CAPN14: variants seen among roughly 807,000 people sequenced by gnomAD.
CAPN14 encodes calpain 14.
In CAPN14, 94 loss-of-function variants were observed where a neutral mutation model predicts 101.3. The observed-to-expected ratio is 0.93, with a 90% CI of 0.79 to 1.10. CAPN14 has a LOEUF of 1.10. Ranked by LOEUF, CAPN14 falls within the 50% of genes least tolerant of loss-of-function variation. The probability of loss-of-function intolerance (pLI) is 0.00; values close to 1 mark genes in which losing one functional copy is unlikely to be tolerated. For missense variants in CAPN14, 837 were observed against 828.4 expected (o/e 1.01, Z -0.13); for synonymous variants, 338 against 317.9 (o/e 1.06, Z -0.67).
At chr2:31,201,743 G>C in intron 5 of CAPN14, 119 bp downstream of exon 5, 2 of 1,301,428 alleles carry the variant, frequency 1.5e-6, no homozygotes, top group African/African-American at 1.5e-5. Context: ...TTCTATGTTG[G>C]CTAAGACATG....
At chr2:31,198,838 T>A (rs1173578388) in intron 7 of CAPN14, among the ~76,000 whole-genome samples, 1 of 152,164 alleles carries the variant, frequency 6.6e-6, no homozygotes. Context: ...TGCAAATCTA[T>A]CCATTACAAG....
chr2:31,177,630 G>T, intron 19 of CAPN14, 116 bp downstream of exon 19: 1 of 738,802 alleles, frequency 1.4e-6, no homozygotes, highest in South Asian at 1.6e-5. Flanking sequence ...CTACGTCTTT[G>T]AGAGTAACAC....
intron 13 of CAPN14, among the ~76,000 whole-genome samples, chr2:31,188,726 AAAT>A (rs1558617329): frequency 6.6e-6 from 1 of 152,236 alleles, no homozygotes; most frequent in African/African-American, 2.4e-5. Context: ...ATCATAGGCA[AAAT>A]AATATGTTTG....
chr2:31,189,136 A>T, intron 13 of CAPN14, 137 bp downstream of exon 13: 1 of 737,994 alleles, frequency 1.4e-6, no homozygotes, highest in Non-Finnish European at 2.3e-6. Context: ...GCAGAAAGTC[A>T]CCTGGTCTCC....
At chr2:31,181,102 C>A in intron 16 of CAPN14, 102 bp from the exon 17 acceptor site, 1 of 862,158 alleles carries the variant, frequency 1.2e-6, no homozygotes, top group Non-Finnish European at 1.9e-6. Flanking sequence ...CTGATGACCA[C>A]CATGTATGTA....
At chr2:31,198,801 C>T (rs1231286641) in intron 7 of CAPN14, among the ~76,000 whole-genome samples, 1 of 152,178 alleles carries the variant, frequency 6.6e-6, no homozygotes, top group Non-Finnish European at 1.5e-5. Context: ...ACACTGCTCC[C>T]TCCACCAGAA....
At chr2:31,212,301 C>T (rs1411778062) in intron 1 of CAPN14, among the ~76,000 whole-genome samples, 1 of 138,372 alleles carries the variant, frequency 7.2e-6, no homozygotes, top group African/African-American at 2.7e-5. Context: ...CAGAATAAGA[C>T]CGTCTCAAAA....
intron 17 of CAPN14, among the ~76,000 whole-genome samples, chr2:31,179,058 T>TTATATA (rs1213671682): frequency 1.2e-5 from 1 of 83,400 alleles, no homozygotes; most frequent in Non-Finnish European, 2.0e-5. Context: ...CTTTATTGAG[T>TTATATA]TCTATATATA....
intron 11 of CAPN14, 66 bp downstream of exon 11, chr2:31,191,869 G>C: frequency 7.2e-7 from 1 of 1,382,944 alleles, no homozygotes; most frequent in East Asian, 2.6e-5. Flanking sequence ...GAAACAGGAA[G>C]ACATGGTAAC....
intron 1 of CAPN14, among the ~76,000 whole-genome samples, chr2:31,215,246 T>C (rs1682588940): frequency 6.6e-6 from 1 of 150,518 alleles, no homozygotes; most frequent in Non-Finnish European, 1.5e-5. Flanking sequence ...AGGAAAGACT[T>C]TTAAAGCAGA....
intron 16 of CAPN14, among the ~76,000 whole-genome samples, chr2:31,181,855 T>A (rs1170114338): frequency 6.6e-6 from 1 of 151,220 alleles, no homozygotes; most frequent in Non-Finnish European, 1.5e-5. Context: ...CATGAACTCA[T>A]CCTTTTTTAT....
At chr2:31,220,553 G>A (rs925144913), upstream of CAPN14, among the ~76,000 whole-genome samples, 1 of 152,182 alleles carries the variant, frequency 6.6e-6, no homozygotes, top group African/African-American at 2.4e-5. Flanking sequence ...GGCCAGGCAT[G>A]GTGGCTCACG....
chr2:31,204,315 T>G (rs1681958480), intron 2 of CAPN14, among the ~76,000 whole-genome samples: 1 of 152,194 alleles, frequency 6.6e-6, no homozygotes, highest in Non-Finnish European at 1.5e-5. Context: ...GTGAAATATA[T>G]ATTTGGTCTT....
chr2:31,218,530 A>G (rs56329486), upstream of CAPN14, among the ~76,000 whole-genome samples: 23,290 of 152,146 alleles, frequency 0.15, 2,134 homozygotes, highest in East Asian at 0.34. Context: ...TTTTATTAGT[A>G]CTGATAAATT....
intron 9 of CAPN14, among the ~76,000 whole-genome samples, chr2:31,193,760 A>C (rs1323513140): frequency 1.3e-5 from 2 of 152,210 alleles, no homozygotes; most frequent in Non-Finnish European, 2.9e-5. Context: ...ACTTAACCAT[A>C]AAGTGGAAAA....
intron 1 of CAPN14, among the ~76,000 whole-genome samples, chr2:31,229,151 C>T (rs1683110579): frequency 1.3e-5 from 2 of 152,112 alleles, no homozygotes; most frequent in African/African-American, 2.4e-5. Flanking sequence ...AAGGGGACAA[C>T]ACACAGTAGA....
At chr2:31,188,468 G>A (rs1681016821) in intron 13 of CAPN14, 114 bp from the exon 14 acceptor site, 4 of 867,282 alleles carry the variant, frequency 4.6e-6, no homozygotes, top group Middle Eastern at 2.1e-4. Flanking sequence ...GGCACCACAA[G>A]GGCCCACCCA....
At chr2:31,233,909 C>G (rs960178190), upstream of CAPN14, 3 of 152,468 alleles carry the variant, frequency 2.0e-5, no homozygotes, top group African/African-American at 4.8e-5. Context: ...GTTCCCAAAT[C>G]GAAGCCCCAG....
chr2:31,177,184 G>T, intron 19 of CAPN14, 42 bp from the exon 20 acceptor site: 2 of 1,400,538 alleles, frequency 1.4e-6, no homozygotes, highest in Non-Finnish European at 2.0e-6. Context: ...TTGGGGGCTT[G>T]CACCCAGCTC....
Sources: gnomAD v4.1 joint callset for allele counts (sites outside exome capture counted in the v4.1 genomes callset) on GRCh38, gnomAD v4.1.1 for gene constraint, MANE v1.5 for transcripts, NCBI Gene and HGNC (gene_info 2026-07-23, HGNC 2026-07-21) for gene names.